The following INPP4B variants were observed in gnomAD, a reference collection of about 807,000 sequenced individuals.
INPP4B encodes the protein inositol polyphosphate-4-phosphatase type II B.
In INPP4B, 55 loss-of-function variants were observed where a neutral mutation model predicts 122.5. That is an observed-to-expected ratio of 0.45 (90% CI 0.36 to 0.56). INPP4B has a LOEUF of 0.56. Among genes scored for constraint, INPP4B ranks in the 20% least tolerant of loss-of-function variants. The probability of loss-of-function intolerance (pLI) is 0.00; values close to 1 mark genes in which losing one functional copy is unlikely to be tolerated. For synonymous variants in INPP4B, 403 were observed against 388.7 expected (o/e 1.04, Z -0.43); for missense variants, 1,000 against 1,097.7 (o/e 0.91, Z 1.26).
Position 142,097,539 on chromosome 4 carries a change from G to A in INPP4B, c.2374+10554C>T, listed in dbSNP as rs191098681. Among the ~76,000 whole-genome samples, 652 of 152,060 alleles carry A rather than the reference G, an allele frequency of 4.3e-3. 4 individuals carry two copies. The highest frequency in any genetic ancestry group is 0.015 in the African/African-American group (618 of 41,484). Reference sequence around the variant, plus strand: ...CCCAAAATTCTGGGATTATAGGTGTGAGCCACCATGCCTGGCCTGATTTGC... The same window carrying A: ...CCCAAAATTCTGGGATTATAGGTGTAAGCCACCATGCCTGGCCTGATTTGC... On this transcript the variant is annotated intron_variant, in intron 23 of 25. Coordinates refer to ENST00000262992, the MANE Select transcript of INPP4B (RefSeq NM_001101669.3).
Position 142,249,358 on chromosome 4 carries a change from T to C in INPP4B, c.688+11134A>G, listed in dbSNP as rs559641343. ...GGCTGAAGTACTCTGTAGAATTATA[T>C]AATAATTTTACCAAAAAAAGAGAGA... is the stretch of plus-strand genomic sequence containing the variant. On this transcript the variant is annotated intron_variant, in intron 11 of 25. Transcript: ENST00000262992. Among the ~76,000 whole-genome samples the C allele has an allele frequency of 2.8e-4, 42 of 152,226 alleles. 1 individual carries two copies. Among genetic ancestry groups the C allele is most frequent in the Admixed American group, 2.3e-3 (35 of 15,284 alleles).
intron 2 of INPP4B, among the ~76,000 whole-genome samples, chr4:142,665,507 A>G (rs180827790): frequency 0.018 from 2,664 of 149,798 alleles, 85 homozygotes; most frequent in African/African-American, 0.062. Context: ...AAAAAAAAAA[A>G]AAAGAAAGAA....
chr4:142,120,740 G>A (rs375895672), intron 21 of INPP4B, among the ~76,000 whole-genome samples: 2 of 152,026 alleles, frequency 1.3e-5, no homozygotes, highest in East Asian at 3.9e-4. Context: ...GGGTTGATGG[G>A]AGCAGCCCTC....
chr4:142,208,419 T>C lies in INPP4B; in HGVS notation c.1072+6A>G, dbSNP rs781308224. 2.7e-6 allele frequency: 4 copies of C among 1,469,726 alleles called. No individual in the cohort carries two copies. The highest frequency in any genetic ancestry group is 3.8e-6 in the Non-Finnish European group (4 of 1,066,578). The allele number at this position is 1,469,726 out of a possible 1,614,324, so 91.0% of individuals were successfully genotyped here. Reference sequence around the variant, plus strand: ...TTGCTATTTTTAAAAGAATAATTTATGATACCTTTCAAGTGAGGGCTGTGT... The same window carrying C: ...TTGCTATTTTTAAAAGAATAATTTACGATACCTTTCAAGTGAGGGCTGTGT... On this transcript the variant is annotated splice_donor_region_variant and intron_variant, in intron 14 of 25. Transcript: ENST00000262992.
At chr4:142,104,680 G>T (rs372844225) in intron 23 of INPP4B, among the ~76,000 whole-genome samples, 3 of 152,122 alleles carry the variant, frequency 2.0e-5, no homozygotes, top group African/African-American at 7.2e-5. Context: ...TTGTCCCTTG[G>T]TACCCAAGGA....
intron 2 of INPP4B, among the ~76,000 whole-genome samples, chr4:142,645,982 C>A (rs1395871577): frequency 6.6e-6 from 1 of 151,994 alleles, no homozygotes; most frequent in Non-Finnish European, 1.5e-5. Context: ...AGAAAGAGAC[C>A]CAAATATGCA....
At chr4:142,154,252 T>C (rs1482410128) in intron 17 of INPP4B, among the ~76,000 whole-genome samples, 1 of 152,100 alleles carries the variant, frequency 6.6e-6, no homozygotes, top group South Asian at 2.1e-4. Flanking sequence ...AACTAGTCAC[T>C]TTCAATTTAT....
intron 25 of INPP4B, among the ~76,000 whole-genome samples, chr4:142,079,368 C>A (rs1404404810): frequency 6.6e-6 from 1 of 151,914 alleles, no homozygotes; most frequent in Admixed American, 6.6e-5. Flanking sequence ...TTCTGATGTT[C>A]ATTTAAAAAC....
intron 1 of INPP4B, among the ~76,000 whole-genome samples, chr4:142,734,623 A>G (rs13106530): frequency 6.6e-6 from 1 of 152,010 alleles, no homozygotes. Context: ...CCCTTAAAAA[A>G]TGGGCACTAT....
chr4:142,202,783 A>C (rs1419391763), intron 14 of INPP4B: 29 of 985,164 alleles, frequency 2.9e-5, no homozygotes, highest in Non-Finnish European at 3.5e-5. Flanking sequence ...AACAACAAAC[A>C]AAAACAATGA....
intron 2 of INPP4B, chr4:142,654,528 C>T (rs1753765508): frequency 6.6e-6 from 1 of 152,048 alleles, no homozygotes; most frequent in Non-Finnish European, 1.5e-5. Context: ...TGTATAAATT[C>T]TGTGGATCTA....
At chr4:142,138,052 C>G (rs1805582583) in intron 18 of INPP4B, among the ~76,000 whole-genome samples, 1 of 151,946 alleles carries the variant, frequency 6.6e-6, no homozygotes, top group African/African-American at 2.4e-5. Context: ...ACTCAAAGGA[C>G]TATAAATCAT....
intron 7 of INPP4B, among the ~76,000 whole-genome samples, chr4:142,351,835 G>GTA (rs1188212366): frequency 6.6e-6 from 1 of 151,918 alleles, no homozygotes; most frequent in Admixed American, 6.6e-5. Context: ...TATTCTTGTA[G>GTA]TATAATAAAT....
intron 17 of INPP4B, among the ~76,000 whole-genome samples, chr4:142,159,799 T>C (rs927977933): frequency 3.9e-5 from 6 of 152,088 alleles, no homozygotes; most frequent in African/African-American, 1.2e-4. Flanking sequence ...TGTTTATTCA[T>C]GTTTCCTAGC....
In INPP4B at chr4:142,339,045, T is replaced by C. The variant is rs557202739; in HGVS notation, c.373-24283A>G. Among the ~76,000 whole-genome samples, 5 of 152,264 alleles carry C rather than the reference T, an allele frequency of 3.3e-5. No homozygotes were observed. The East Asian group carries it at 9.7e-4, about 29-fold the overall frequency. ...TTCCTGCTGGGTAGCTTCTGACTAG[T>C]TGTGTCAAGAACCTGTGTCTCTTGA... On this transcript the variant is annotated intron_variant, in intron 7 of 25. Coordinates refer to ENST00000262992, the MANE Select transcript of INPP4B (RefSeq NM_001101669.3).
In INPP4B at chr4:142,098,347, C is replaced by T. The variant is rs566052851; in HGVS notation, c.2374+9746G>A. 2.0e-5 allele frequency among the ~76,000 whole-genome samples: 3 copies of T among 151,520 alleles called. 1 individual carries two copies. The South Asian group carries it at 6.3e-4, about 32-fold the overall frequency. ...GGTTTTTATTCTGAAAACAAACAAACAACAACAACAACAACAAAAAAAAAA... is the reference window on the plus strand; with the variant it reads ...GGTTTTTATTCTGAAAACAAACAAATAACAACAACAACAACAAAAAAAAAA... On this transcript the variant is annotated intron_variant, in intron 23 of 25. Transcript: ENST00000262992.
chr4:142,108,057 G>A (rs746109610), intron 23 of INPP4B, 36 bp downstream of exon 23: 12 of 1,030,850 alleles, frequency 1.2e-5, no homozygotes, highest in Non-Finnish European at 1.7e-5. Flanking sequence ...TAATCAAGAA[G>A]CTATTATTGC....
intron 10 of INPP4B, among the ~76,000 whole-genome samples, chr4:142,263,321 T>C (rs1740996141): frequency 6.6e-6 from 1 of 152,154 alleles, no homozygotes; most frequent in South Asian, 2.1e-4. Context: ...AATAGCATTG[T>C]CTTTGACTAC....
chr4:142,821,623 A>G (rs1780801418), intron 1 of INPP4B, among the ~76,000 whole-genome samples: 1 of 152,136 alleles, frequency 6.6e-6, no homozygotes, highest in South Asian at 2.1e-4. Context: ...TTATAACTAG[A>G]TATACAAATA....
Sources: allele counts gnomAD v4.1 joint callset (sites outside exome capture counted in the v4.1 genomes callset), GRCh38; gene constraint gnomAD v4.1.1; transcripts MANE v1.5; gene names NCBI Gene and HGNC (gene_info 2026-07-23, HGNC 2026-07-21).